Variants in KIAA1328 observed in about 807,000 individuals in gnomAD.
KIAA1328 encodes the protein protein hinderin.
In KIAA1328, 52 loss-of-function variants were observed where a neutral mutation model predicts 68.1. The observed-to-expected ratio is 0.76, with a 90% CI of 0.61 to 0.96. The LOEUF (loss-of-function observed/expected upper bound fraction) is 0.96, where lower values mean the gene tolerates loss of function less well. KIAA1328 is among the 40% of genes least tolerant of loss of function. The probability of loss-of-function intolerance (pLI) is 0.00; values close to 1 mark genes in which losing one functional copy is unlikely to be tolerated. For missense variants in KIAA1328, 641 were observed against 677.6 expected (o/e 0.95, Z 0.60); for synonymous variants, 232 against 239.4 (o/e 0.97, Z 0.28).
In KIAA1328 at chr18:36,992,240, A is replaced by G. The variant is rs188493694; in HGVS notation, c.576+32805A>G. 6.3e-3 allele frequency among the ~76,000 whole-genome samples: 957 copies of G among 152,274 alleles called. 12 individuals are homozygous for G. The highest frequency in any genetic ancestry group is 6.8e-3 in the Middle Eastern group (2 of 294). On this transcript the variant is annotated intron_variant, in intron 6 of 9. Coordinates refer to ENST00000280020, the MANE Select transcript of KIAA1328 (RefSeq NM_020776.3). ...GCTGTCTTTATGCTGCTTTTGATAA[A>G]TGGAATTTTTAATTTAATGGTAGTT...
At chr18:36,833,876 G>C (rs1446717464) in intron 1 of KIAA1328, among the ~76,000 whole-genome samples, 1 of 152,186 alleles carries the variant, frequency 6.6e-6, no homozygotes, top group African/African-American at 2.4e-5. Context: ...CTCAGTGTTT[G>C]TTCTTCAAAG....
At chr18:37,170,932 T>C (rs1412290330) in intron 8 of KIAA1328, among the ~76,000 whole-genome samples, 2 of 152,136 alleles carry the variant, frequency 1.3e-5, no homozygotes, top group African/African-American at 2.4e-5. Flanking sequence ...GGAGCAGTTA[T>C]TACCTACAAA....
At chr18:37,031,460 AAT>A (rs2054824786) in intron 6 of KIAA1328, among the ~76,000 whole-genome samples, 1 of 152,184 alleles carries the variant, frequency 6.6e-6, no homozygotes, top group Admixed American at 6.5e-5. Context: ...AAATATACCT[AAT>A]ATGTTATTAA....
At chr18:37,190,155 T>C (rs1166198584) in intron 9 of KIAA1328, among the ~76,000 whole-genome samples, 6 of 152,240 alleles carry the variant, frequency 3.9e-5, no homozygotes, top group African/African-American at 1.4e-4. Context: ...TAGCTGGATC[T>C]GTCTGGGTCT....
At chr18:37,055,095 T>C (rs1365583934) in intron 6 of KIAA1328, among the ~76,000 whole-genome samples, 1 of 152,198 alleles carries the variant, frequency 6.6e-6, no homozygotes, top group African/African-American at 2.4e-5. Flanking sequence ...GAAAATGTTT[T>C]TGACTGCTCC....
chr18:36,879,103 T>A (rs1046163124), intron 4 of KIAA1328, among the ~76,000 whole-genome samples: 2 of 152,182 alleles, frequency 1.3e-5, no homozygotes, highest in Non-Finnish European at 2.9e-5. Context: ...GGCATTCTGG[T>A]TTTTGGAATT....
At chr18:37,139,049 C>T (rs1033217644) in intron 7 of KIAA1328, among the ~76,000 whole-genome samples, 1 of 148,638 alleles carries the variant, frequency 6.7e-6, no homozygotes, top group African/African-American at 2.5e-5. Flanking sequence ...CTCCGCCTCC[C>T]GGGTTCACGC....
chr18:36,930,868 C>A (rs2050285691), intron 5 of KIAA1328, among the ~76,000 whole-genome samples: 1 of 152,206 alleles, frequency 6.6e-6, no homozygotes, highest in Non-Finnish European at 1.5e-5. Flanking sequence ...AAGAGCACAT[C>A]ATTCCAACAT....
At chr18:36,900,250 T>C (rs1442729726) in intron 5 of KIAA1328, among the ~76,000 whole-genome samples, 1 of 151,980 alleles carries the variant, frequency 6.6e-6, no homozygotes, top group East Asian at 1.9e-4. Context: ...TTAGCCCTTC[T>C]CATGATCAAA....
intron 7 of KIAA1328, among the ~76,000 whole-genome samples, chr18:37,069,034 C>T (rs1009984932): frequency 2.0e-5 from 3 of 152,074 alleles, no homozygotes; most frequent in Non-Finnish European, 4.4e-5. Context: ...AAAGTTTTAT[C>T]ATAGGTGTTG....
At chr18:37,168,689 A>G (rs1426890242) in intron 8 of KIAA1328, among the ~76,000 whole-genome samples, 1 of 152,238 alleles carries the variant, frequency 6.6e-6, no homozygotes, top group East Asian at 1.9e-4. Context: ...TAGAACTATA[A>G]AGAATAGAAG....
At chr18:36,882,619 A>G (rs533127980) in intron 4 of KIAA1328, among the ~76,000 whole-genome samples, 10 of 152,340 alleles carry the variant, frequency 6.6e-5, no homozygotes, top group South Asian at 6.2e-4. Flanking sequence ...TAGTCAAATC[A>G]TAGCAGCATA....
intron 5 of KIAA1328, among the ~76,000 whole-genome samples, chr18:36,932,819 A>T (rs2050360664): frequency 6.6e-6 from 1 of 152,228 alleles, no homozygotes; most frequent in South Asian, 2.1e-4. Context: ...TCACTTCTCC[A>T]TAGGCATCAG....
At chr18:37,099,852 T>C (rs892974372) in intron 7 of KIAA1328, among the ~76,000 whole-genome samples, 28 of 152,182 alleles carry the variant, frequency 1.8e-4, no homozygotes, top group South Asian at 1.2e-3. Flanking sequence ...TCTCTTTTGA[T>C]ATTAGTTGGT....
intron 5 of KIAA1328, among the ~76,000 whole-genome samples, chr18:36,947,416 A>G (rs1345717289): frequency 6.6e-6 from 1 of 152,190 alleles, no homozygotes; most frequent in East Asian, 1.9e-4. Flanking sequence ...AAATCAATAC[A>G]TGTAAAGTGT....
chr18:36,843,516 T>C (rs1172247436), intron 3 of KIAA1328, among the ~76,000 whole-genome samples: 1 of 152,172 alleles, frequency 6.6e-6, no homozygotes, highest in African/African-American at 2.4e-5. Context: ...GGAAAAGTTT[T>C]TGTAGCACAA....
At chr18:36,842,933 A>G (rs1034663368) in intron 3 of KIAA1328, among the ~76,000 whole-genome samples, 1 of 152,094 alleles carries the variant, frequency 6.6e-6, no homozygotes, top group Non-Finnish European at 1.5e-5. Context: ...GCCACTTTAA[A>G]TTAAACTAAA....
intron 6 of KIAA1328, among the ~76,000 whole-genome samples, chr18:37,022,964 ACT>A (rs1377566998): frequency 1.3e-5 from 2 of 152,146 alleles, no homozygotes; most frequent in East Asian, 1.9e-4. Flanking sequence ...AAATAAGTAA[ACT>A]CTACAGTCAC....
At chr18:37,067,813 C>T (rs1164165183) in intron 7 of KIAA1328, among the ~76,000 whole-genome samples, 1 of 152,080 alleles carries the variant, frequency 6.6e-6, no homozygotes. Context: ...CCGCCTTGAC[C>T]TCCCAAAGTG....
Sources: allele counts gnomAD v4.1 joint callset (sites outside exome capture counted in the v4.1 genomes callset), GRCh38; gene constraint gnomAD v4.1.1; transcripts MANE v1.5; gene names NCBI Gene and HGNC (gene_info 2026-07-23, HGNC 2026-07-21).